ANKFN1: variants seen among roughly 807,000 people sequenced by gnomAD.
ANKFN1 encodes ankyrin repeat and fibronectin type III domain containing 1, also known as ankyrin repeat and fibronectin type-III domain-containing protein 1.
A neutral mutation model predicts 108.7 loss-of-function variants in ANKFN1; 74 were observed. The observed-to-expected ratio is 0.68, with a 90% CI of 0.56 to 0.83. The LOEUF is 0.83. Among genes scored for constraint, ANKFN1 ranks in the 40% least tolerant of loss-of-function variants. The pLI is 0.00. For synonymous variants in ANKFN1, 547 were observed against 516.2 expected, an observed-to-expected ratio of 1.06 and a Z score of -0.81; for missense variants, 1,505 against 1,382.3, an observed-to-expected ratio of 1.09 and a Z score of -1.41.
At position 56,222,950 on chromosome 17, in the gene ANKFN1, C is replaced by G. The variant is rs191154903; in HGVS notation, c.13-4967C>G. On this transcript the variant is annotated intron_variant, in intron 2 of 20. Coordinates refer to ENST00000682825, the MANE Select transcript of ANKFN1 (RefSeq NM_001370326.1). Reference sequence around the variant, plus strand: ...AGCCCACTGTAATTGCAAAAAATTACTAACAACCTAAATGTCTATGAATAT... The same window carrying G: ...AGCCCACTGTAATTGCAAAAAATTAGTAACAACCTAAATGTCTATGAATAT... 2.9e-3 allele frequency among the ~76,000 whole-genome samples: 440 copies of G among 152,268 alleles called. 2 individuals are homozygous for G. Among genetic ancestry groups the G allele is most frequent in the African/African-American group, 0.01 (417 of 41,556 alleles).
At chr17:56,083,402 A>G (rs1384694167) in intron 4 of ANKFN1, among the ~76,000 whole-genome samples, 1 of 151,440 alleles carries the variant, frequency 6.6e-6, no homozygotes, top group Admixed American at 6.6e-5. Context: ...AATTCCAGGC[A>G]GAATTGTTCT....
chr17:56,383,049 C>G (rs973090158), intron 8 of ANKFN1, among the ~76,000 whole-genome samples: 1 of 152,170 alleles, frequency 6.6e-6, no homozygotes, highest in South Asian at 2.1e-4. Flanking sequence ...CCACACCACA[C>G]CTATTCCAAA....
chr17:56,418,042 C>T (rs1198779435), intron 8 of ANKFN1, among the ~76,000 whole-genome samples: 1 of 152,194 alleles, frequency 6.6e-6, no homozygotes, highest in Admixed American at 6.5e-5. Flanking sequence ...GAGTCTTCTA[C>T]TATCCAATAG....
chr17:56,217,306 C>T (rs181271963), intron 2 of ANKFN1, among the ~76,000 whole-genome samples: 2 of 152,260 alleles, frequency 1.3e-5, no homozygotes, highest in East Asian at 3.9e-4. Context: ...GCTCCTAGAC[C>T]ACCAATTCAA....
At chr17:56,259,800 T>C (rs2043458073) in intron 3 of ANKFN1, among the ~76,000 whole-genome samples, 1 of 152,008 alleles carries the variant, frequency 6.6e-6, no homozygotes, top group Non-Finnish European at 1.5e-5. Flanking sequence ...ATAAACAGTT[T>C]CAAGTAAATT....
intron 3 of ANKFN1, among the ~76,000 whole-genome samples, chr17:56,288,725 G>T (rs1177053250): frequency 6.6e-6 from 1 of 152,138 alleles, no homozygotes; most frequent in Non-Finnish European, 1.5e-5. Context: ...CAGAGGAAGA[G>T]CCTTTAGAGT....
chr17:56,281,766 G>A (rs2044089984), intron 3 of ANKFN1, among the ~76,000 whole-genome samples: 2 of 152,058 alleles, frequency 1.3e-5, no homozygotes, highest in African/African-American at 2.4e-5. Flanking sequence ...AGACATCAAG[G>A]AAATGCAAAT....
At chr17:56,366,631 G>A (rs981432757) in intron 6 of ANKFN1, among the ~76,000 whole-genome samples, 1 of 152,066 alleles carries the variant, frequency 6.6e-6, no homozygotes, top group African/African-American at 2.4e-5. Context: ...TTTCCATGTT[G>A]TAATAGATTT....
At chr17:56,267,896 G>A (rs1304157634) in intron 3 of ANKFN1, among the ~76,000 whole-genome samples, 1 of 151,888 alleles carries the variant, frequency 6.6e-6, no homozygotes, top group Non-Finnish European at 1.5e-5. Flanking sequence ...TGGTTCCATA[G>A]GATTTTTAGA....
In ANKFN1 at chr17:56,140,973, G is replaced by A. The variant is rs193064184; in HGVS notation, c.289-86944G>A. On this transcript the variant is annotated intron_variant, in intron 4 of 12. Coordinates refer to the ANKFN1 transcript ENST00000635860. The stretch of plus-strand genomic sequence containing the variant: ...TCATGTGTTTCTTTATATCTCCACA[G>A]TCCCTACTATCAGCCTTACCTACTG... 5.3e-4 allele frequency among the ~76,000 whole-genome samples: 80 copies of A among 152,260 alleles called. 1 individual carries two copies. The highest frequency in any genetic ancestry group is 4.7e-3 in the Admixed American group (72 of 15,288).
At chr17:56,491,814 G>C (rs1395746043) in intron 18 of ANKFN1, among the ~76,000 whole-genome samples, 2 of 152,094 alleles carry the variant, frequency 1.3e-5, no homozygotes, top group South Asian at 2.1e-4. Flanking sequence ...GTTTCAAATT[G>C]CTACTTGGCT....
At chr17:56,357,301 A>G (rs2046401476) in intron 6 of ANKFN1, among the ~76,000 whole-genome samples, 1 of 152,220 alleles carries the variant, frequency 6.6e-6, no homozygotes, top group Non-Finnish European at 1.5e-5. Context: ...CTAACCCTAC[A>G]GGATAAAGTT....
chr17:56,383,255 G>T (rs911535428), intron 8 of ANKFN1, among the ~76,000 whole-genome samples: 26 of 152,096 alleles, frequency 1.7e-4, no homozygotes, highest in African/African-American at 6.3e-4. Flanking sequence ...AATGAAGGCA[G>T]AAATAAAGAT....
intron 15 of ANKFN1, among the ~76,000 whole-genome samples, chr17:56,467,744 AAAG>A (rs2050129477): frequency 1.9e-4 from 5 of 26,320 alleles, no homozygotes; most frequent in Non-Finnish European, 2.7e-4. Context: ...AGAAAGAAAC[AAAG>A]AAAGAAAGAA....
At chr17:56,204,994 T>G (rs1914407878) in intron 1 of ANKFN1, among the ~76,000 whole-genome samples, 1 of 152,176 alleles carries the variant, frequency 6.6e-6, no homozygotes, top group East Asian at 1.9e-4. Flanking sequence ...GGGAATGGTG[T>G]GAACCCGGGA....
chr17:56,225,290 C>G (rs770186087), intron 2 of ANKFN1, among the ~76,000 whole-genome samples: 5 of 152,180 alleles, frequency 3.3e-5, no homozygotes, highest in Non-Finnish European at 5.9e-5. Context: ...GAGGAATTAA[C>G]TGCTCAGTAC....
intron 4 of ANKFN1, among the ~76,000 whole-genome samples, chr17:56,097,557 A>C (rs1905557832): frequency 6.6e-6 from 1 of 152,220 alleles, no homozygotes; most frequent in Non-Finnish European, 1.5e-5. Flanking sequence ...ATCTTCAAAA[A>C]TGCATCAGTG....
At chr17:56,226,393 T>G (rs1296715187) in intron 2 of ANKFN1, among the ~76,000 whole-genome samples, 1 of 152,132 alleles carries the variant, frequency 6.6e-6, no homozygotes, top group East Asian at 1.9e-4. Context: ...AATTTAACAA[T>G]TTGTCAATCC....
At chr17:56,202,433 G>A (rs1179883555) in intron 1 of ANKFN1, among the ~76,000 whole-genome samples, 1 of 152,092 alleles carries the variant, frequency 6.6e-6, no homozygotes, top group Non-Finnish European at 1.5e-5. Flanking sequence ...GGCCTTCTTA[G>A]GTTCTCCACA....
Sources: allele counts gnomAD v4.1 joint callset (sites outside exome capture counted in the v4.1 genomes callset), GRCh38; gene constraint gnomAD v4.1.1; transcripts MANE v1.5; gene names NCBI Gene and HGNC (gene_info 2026-07-23, HGNC 2026-07-21).